Variants in CHN1 observed in about 807,000 individuals in gnomAD.
CHN1 encodes N-chimaerin.
CHN1 carries 37 observed loss-of-function variants against 59.5 expected under a neutral mutation model. The ratio of observed to expected loss-of-function variants is 0.62; its 90% CI spans 0.48 to 0.82. The LOEUF is 0.82. Ranked by LOEUF, CHN1 falls within the 40% of genes least tolerant of loss-of-function variation. The pLI, the probability that CHN1 is intolerant of heterozygous loss-of-function variation, is 0.00. For synonymous variants in CHN1, 206 were observed against 200.4 expected (o/e 1.03, Z -0.24); for missense variants, 469 against 571.0 (o/e 0.82, Z 1.82).
intron 8 of CHN1, among the ~76,000 whole-genome samples, chr2:174,822,634 G>T (rs1032973594): frequency 2.0e-5 from 3 of 152,198 alleles, no homozygotes; most frequent in Non-Finnish European, 4.4e-5. Context: ...GGCTCATTGA[G>T]ACCATTGTTC....
chr2:174,885,175 C>T (rs1157092476), intron 5 of CHN1, among the ~76,000 whole-genome samples: 6 of 149,762 alleles, frequency 4.0e-5, no homozygotes, highest in Non-Finnish European at 7.4e-5. Context: ...CTCAGGAGGA[C>T]GAGACAGGAG....
At chr2:174,823,531 C>T (rs977477299) in intron 8 of CHN1, among the ~76,000 whole-genome samples, 8 of 151,864 alleles carry the variant, frequency 5.3e-5, no homozygotes, top group East Asian at 1.9e-4. Flanking sequence ...GGTGTGGTGG[C>T]GGGCACCTGT....
At chr2:174,975,906 G>A (rs991358536) in intron 1 of CHN1, among the ~76,000 whole-genome samples, 3 of 151,718 alleles carry the variant, frequency 2.0e-5, no homozygotes, top group Non-Finnish European at 4.4e-5. Flanking sequence ...CGGATCACGA[G>A]GTCAAGAGAT....
intron 7 of CHN1, chr2:174,846,476 A>C (rs1429631189): frequency 6.8e-7 from 1 of 1,475,726 alleles, no homozygotes; most frequent in African/African-American, 1.4e-5. Context: ...TCCAGATGCA[A>C]CAGCACATGC....
chr2:174,842,116 C>T lies in CHN1; in HGVS notation c.627+4764G>A, dbSNP rs147214024. Among the ~76,000 whole-genome samples the T allele has an allele frequency of 4.5e-3, 680 of 152,234 alleles. 6 individuals are homozygous for T. Among genetic ancestry groups the T allele is most frequent in the African/African-American group, 0.015 (640 of 41,518 alleles). ...AGAAGAGGTTTTCAAGTAACAACAA[C>T]CAAAGGTCCCCCGCATGTCACACTG... On this transcript the variant is annotated intron_variant, in intron 7 of 12. Transcript: ENST00000409900.
At chr2:174,823,965 C>T (rs1685593549) in intron 8 of CHN1, among the ~76,000 whole-genome samples, 1 of 152,154 alleles carries the variant, frequency 6.6e-6, no homozygotes, top group Admixed American at 6.5e-5. Flanking sequence ...AAGATGAATT[C>T]ACAGATTTTT....
chr2:174,866,048 T>C (rs1002312848), intron 6 of CHN1, among the ~76,000 whole-genome samples: 1 of 152,206 alleles, frequency 6.6e-6, no homozygotes, highest in Admixed American at 6.5e-5. Flanking sequence ...AAGTTGGTTA[T>C]TTTTCTGTGT....
At chr2:174,893,009 T>C (rs1688101198) in intron 5 of CHN1, among the ~76,000 whole-genome samples, 1 of 152,138 alleles carries the variant, frequency 6.6e-6, no homozygotes, top group African/African-American at 2.4e-5. Flanking sequence ...CCTCACCTTA[T>C]ATCAAATTTA....
intron 7 of CHN1, among the ~76,000 whole-genome samples, chr2:174,843,308 C>T (rs1271451668): frequency 3.3e-5 from 5 of 152,004 alleles, no homozygotes; most frequent in Non-Finnish European, 4.4e-5. Context: ...GATGTGATCT[C>T]GGCTCACTGC....
chr2:174,978,217 T>C (rs1691015830), intron 1 of CHN1, among the ~76,000 whole-genome samples: 1 of 152,220 alleles, frequency 6.6e-6, no homozygotes, highest in Non-Finnish European at 1.5e-5. Flanking sequence ...GTCTCCTTAG[T>C]TAGCGTTCTT....
intron 5 of CHN1, among the ~76,000 whole-genome samples, chr2:174,899,189 T>C (rs937299084): frequency 3.2e-4 from 37 of 116,216 alleles, no homozygotes; most frequent in Non-Finnish European, 5.5e-4. Context: ...AGAAAAACTT[T>C]GGTAACTGAA....
chr2:174,852,823 A>C (rs1433221959), intron 6 of CHN1, among the ~76,000 whole-genome samples: 1 of 152,200 alleles, frequency 6.6e-6, no homozygotes, highest in South Asian at 2.1e-4. Context: ...AAAAATAAGT[A>C]ATGGAGAAAG....
intron 5 of CHN1, among the ~76,000 whole-genome samples, chr2:174,888,055 A>G (rs1478908373): frequency 1.3e-5 from 2 of 152,250 alleles, no homozygotes; most frequent in Non-Finnish European, 2.9e-5. Flanking sequence ...AGATATTTTC[A>G]GAAAATAAAT....
At chr2:174,905,759 C>T (rs1344691335) in intron 5 of CHN1, among the ~76,000 whole-genome samples, 2 of 151,946 alleles carry the variant, frequency 1.3e-5, no homozygotes, top group Admixed American at 1.3e-4. Context: ...AGGGTTTCAC[C>T]GTGTTAGCCA....
At chr2:174,812,594 G>T in intron 8 of CHN1, 112 bp from the exon 9 acceptor site, 1 of 863,658 alleles carries the variant, frequency 1.2e-6, no homozygotes, top group South Asian at 1.7e-5. Flanking sequence ...TTTTAAAGTG[G>T]ACTAGACTCC....
At chr2:174,936,767 CT>C (rs1689510874) in intron 3 of CHN1, among the ~76,000 whole-genome samples, 1 of 152,082 alleles carries the variant, frequency 6.6e-6, no homozygotes, top group Non-Finnish European at 1.5e-5. Flanking sequence ...TTTCACTTTA[CT>C]TGCTAACTTC....
rs555253998 is a variant in CHN1, at chr2:174,817,429, A to C, written c.713-4947T>G. Among the ~76,000 whole-genome samples the C allele has an allele frequency of 9.2e-5, 14 of 151,412 alleles. No individual in the cohort carries two copies. In the East Asian group the frequency reaches 2.7e-3, roughly 29 times the overall value. ...GAATGGCAGTAATGGTTTGGTATTG[A>C]CTTTTTTCCTTTGAATGTTTGGAGT... On this transcript the variant is annotated intron_variant, in intron 8 of 12. Transcript: ENST00000409900.
At chr2:174,924,535 G>A (rs1432390416) in intron 3 of CHN1, among the ~76,000 whole-genome samples, 1 of 152,080 alleles carries the variant, frequency 6.6e-6, no homozygotes, top group Admixed American at 6.6e-5. Flanking sequence ...TGTCAGTATA[G>A]TCCAAAAATC....
chr2:174,819,321 T>G (rs1685397276), intron 8 of CHN1, among the ~76,000 whole-genome samples: 1 of 152,214 alleles, frequency 6.6e-6, no homozygotes, highest in Admixed American at 6.5e-5. Flanking sequence ...ATACTTACAG[T>G]TTATTATTAG....
Sources: gnomAD v4.1 joint callset for allele counts (sites outside exome capture counted in the v4.1 genomes callset) on GRCh38, gnomAD v4.1.1 for gene constraint, MANE v1.5 for transcripts, NCBI Gene and HGNC (gene_info 2026-07-23, HGNC 2026-07-21) for gene names.